The following LRRC9 variants were observed in gnomAD, a reference collection of about 807,000 sequenced individuals.
LRRC9 encodes leucine rich repeat containing 9, also known as leucine-rich repeat-containing protein 9.
In LRRC9, 122 loss-of-function variants were observed where a neutral mutation model predicts 63.2. The observed-to-expected ratio is 1.93, with a 90% CI of 1.67 to 2.24. The LOEUF (loss-of-function observed/expected upper bound fraction) is 2.24, where lower values mean the gene tolerates loss of function less well. LRRC9 is among the 30% of genes most tolerant of loss of function. The pLI, the probability that LRRC9 is intolerant of heterozygous loss-of-function variation, is 0.00. For missense variants in LRRC9, 1,071 were observed against 627.7 expected, an observed-to-expected ratio of 1.71 and a Z score of -7.55; for synonymous variants, 366 against 213.1, an observed-to-expected ratio of 1.72 and a Z score of -6.25.
chr14:60,024,628 C>A (rs2140301046), intron 27 of LRRC9, among the ~76,000 whole-genome samples: 1 of 151,984 alleles, frequency 6.6e-6, no homozygotes, highest in South Asian at 2.1e-4. Flanking sequence ...AACCTGGAGA[C>A]CTGGCCTTAA....
chr14:60,033,527 T>C (rs931715081), intron 29 of LRRC9, among the ~76,000 whole-genome samples: 1 of 152,120 alleles, frequency 6.6e-6, no homozygotes, highest in Non-Finnish European at 1.5e-5. Context: ...TTTCAGTAAT[T>C]GGTAATATAG....
downstream of LRRC9, among the ~76,000 whole-genome samples, chr14:60,066,408 A>G (rs1216279885): frequency 6.6e-6 from 1 of 152,094 alleles, no homozygotes; most frequent in Admixed American, 6.6e-5. Context: ...AAAGGGAGGT[A>G]AGATTATTAT....
In LRRC9 at chr14:59,964,208, T is replaced by C. The variant is rs1292468276; in HGVS notation, c.1212-2381T>C. Among the ~76,000 whole-genome samples the C allele has an allele frequency of 6.6e-6, 1 of 152,182 alleles. No homozygotes were observed. Among genetic ancestry groups the C allele is most frequent in the African/African-American group, 2.4e-5 (1 of 41,446 alleles). Reference sequence around the variant, plus strand: ...GAAGGTAACAAATGGCTGCAAAGGCTTTTGTTTTGTTTTATTGGCAGACTC... The same window carrying C: ...GAAGGTAACAAATGGCTGCAAAGGCCTTTGTTTTGTTTTATTGGCAGACTC... On this transcript the variant is annotated intron_variant, in intron 10 of 31. Coordinates refer to ENST00000445360, the Ensembl canonical transcript of LRRC9. This position sits in a 1 kb window ranked among gnomAD's most constrained non-coding sequence, Gnocchi z 4.4.
intron 12 of LRRC9, among the ~76,000 whole-genome samples, chr14:59,973,077 T>G (rs766632778): frequency 2.6e-5 from 4 of 152,226 alleles, no homozygotes; most frequent in Non-Finnish European, 5.9e-5. Flanking sequence ...GATGGATGGA[T>G]AGCAATCACA....
At position 59,959,382 on chromosome 14, in the gene LRRC9, A is replaced by T. The variant is rs187657086; in HGVS notation, c.883-436A>T. On this transcript the variant is annotated intron_variant, in intron 8 of 31. Coordinates refer to ENST00000445360, the Ensembl canonical transcript of LRRC9. Reference sequence around the variant, plus strand: ...AATTTTAATAGTTATTTTTTTCCAGAACACCAAAGTGGTGAAAAATACTGA... The same window carrying T: ...AATTTTAATAGTTATTTTTTTCCAGTACACCAAAGTGGTGAAAAATACTGA... 3.9e-5 allele frequency among the ~76,000 whole-genome samples: 6 copies of T among 152,356 alleles called. No individual in the cohort carries two copies. In the East Asian group the frequency reaches 1.2e-3, roughly 29 times the overall value.
chr14:59,982,680 G>A (rs1231223564), intron 16 of LRRC9, among the ~76,000 whole-genome samples: 1 of 152,164 alleles, frequency 6.6e-6, no homozygotes, highest in Admixed American at 6.5e-5. Flanking sequence ...TATAGCACCT[G>A]CATATCTAAA....
At chr14:60,054,805 A>G (rs999847253) in intron 30 of LRRC9, among the ~76,000 whole-genome samples, 9 of 151,738 alleles carry the variant, frequency 5.9e-5, no homozygotes, top group Non-Finnish European at 1.0e-4. Flanking sequence ...TCTGCTGCCC[A>G]GGCTGGAATG....
intron 30 of LRRC9, among the ~76,000 whole-genome samples, chr14:60,055,426 C>CT (rs1474736667): frequency 6.6e-6 from 1 of 152,124 alleles, no homozygotes; most frequent in Non-Finnish European, 1.5e-5. Flanking sequence ...TTCCTTTTCC[C>CT]TTTTTTATAT....
chr14:59,978,502 A>G (rs219329), intron 15 of LRRC9, among the ~76,000 whole-genome samples: 113,830 of 152,088 alleles, frequency 0.75, 44,748 homozygotes, highest in Non-Finnish European at 0.87. Flanking sequence ...CTTTTTCTAC[A>G]CATTTACATA....
intron 31 of LRRC9, among the ~76,000 whole-genome samples, chr14:60,059,981 C>T (rs1894549858): frequency 6.6e-6 from 1 of 152,186 alleles, no homozygotes; most frequent in Admixed American, 6.5e-5. Context: ...AAGTCAATGA[C>T]TGGCTTCAAA....
intron 8 of LRRC9, among the ~76,000 whole-genome samples, chr14:59,959,572 A>G (rs538300837): frequency 2.4e-4 from 37 of 152,320 alleles, no homozygotes; most frequent in African/African-American, 5.1e-4. Context: ...AGACTGCCCT[A>G]TTTGAAGTGG....
At chr14:59,940,428 G>C (rs1881637473) in intron 7 of LRRC9, among the ~76,000 whole-genome samples, 3 of 152,008 alleles carry the variant, frequency 2.0e-5, no homozygotes, top group Admixed American at 2.0e-4. Flanking sequence ...TGATTCTTCA[G>C]ATTTTCACCT....
chr14:60,065,961 A>G (rs562104771), downstream of LRRC9, among the ~76,000 whole-genome samples: 2 of 152,172 alleles, frequency 1.3e-5, no homozygotes, highest in South Asian at 4.2e-4. Context: ...TGTCCAATAC[A>G]AACTTTACTA....
At chr14:59,999,341 A>G (rs1405263702) in intron 19 of LRRC9, 115 bp downstream of exon 19, 2 of 483,132 alleles carry the variant, frequency 4.1e-6, no homozygotes, top group African/African-American at 2.0e-5. Flanking sequence ...TTAATAAAAA[A>G]TTAATATAGA....
exon 29 of LRRC9, chr14:60,032,049 G>A (rs1170703443): frequency 2.9e-6 from 2 of 700,062 alleles, no homozygotes; most frequent in Admixed American, 4.0e-5. Context: ...GGAGCTTACA[G>A]TGTATGGCAA....
rs1172567948 is a variant in LRRC9 at position 59,958,864 on chromosome 14, G to A, written c.883-954G>A. ...CACAGCTTACCTTGGCTGGGGGAGG[G>A]AGGTCCCTGCTCCTTGCACTTCCTG... On this transcript the variant is annotated intron_variant, in intron 8 of 31. Transcript: ENST00000445360. This position sits in a 1 kb window ranked among gnomAD's most constrained non-coding sequence, Gnocchi z 4.0. Among the ~76,000 whole-genome samples, 1 of 152,174 alleles carries A rather than the reference G, an allele frequency of 6.6e-6. No homozygotes were observed. Among genetic ancestry groups the A allele is most frequent in the African/African-American group, 2.4e-5 (1 of 41,446 alleles).
At chr14:60,043,843 C>T (rs965968060) in intron 29 of LRRC9, among the ~76,000 whole-genome samples, 11 of 141,096 alleles carry the variant, frequency 7.8e-5, no homozygotes, top group African/African-American at 2.4e-4. Flanking sequence ...GGAAGTATTC[C>T]TTCCTCTTCA....
intron 26 of LRRC9, 62 bp from the exon 27 acceptor site, chr14:60,022,672 T>C: frequency 4.1e-6 from 2 of 489,086 alleles, no homozygotes; most frequent in Non-Finnish European, 7.3e-6. Flanking sequence ...CTGAACTGTC[T>C]TTTTATAATA....
At chr14:59,995,835 C>T (rs904582359) in intron 17 of LRRC9, among the ~76,000 whole-genome samples, 7 of 152,162 alleles carry the variant, frequency 4.6e-5, no homozygotes, top group East Asian at 3.9e-4. Context: ...CTCCGCCTCC[C>T]GGGTTCAAGC....
Sources: gnomAD v4.1 joint callset for allele counts (sites outside exome capture counted in the v4.1 genomes callset) on GRCh38, gnomAD v4.1.1 for gene constraint, Gnocchi (gnomAD v3.1) non-coding constraint, MANE v1.5 for transcripts, NCBI Gene and HGNC (gene_info 2026-07-23, HGNC 2026-07-21) for gene names.